Variants in TM2D1 observed in about 807,000 individuals in gnomAD.
TM2D1 encodes TM2 domain-containing protein 1.
In TM2D1, 15 loss-of-function variants were observed where a neutral mutation model predicts 28.4. The observed-to-expected ratio is 0.53, with a 90% confidence interval of 0.35 to 0.81. The LOEUF (loss-of-function observed/expected upper bound fraction) is 0.81. TM2D1 is among the 40% of genes least tolerant of loss of function. The probability of loss-of-function intolerance (pLI) is 0.01; values close to 1 mark genes in which losing one functional copy is unlikely to be tolerated. For missense variants in TM2D1, 236 were observed against 254.9 expected, an observed-to-expected ratio of 0.93 and a Z score of 0.50; for synonymous variants, 93 against 96.2, an observed-to-expected ratio of 0.97 and a Z score of 0.20.
chr1:61,708,622 A>G (rs1644456280), intron 3 of TM2D1, among the ~76,000 whole-genome samples: 1 of 152,192 alleles, frequency 6.6e-6, no homozygotes, highest in African/African-American at 2.4e-5. Flanking sequence ...GAATAAAACC[A>G]AGTTTAAAAT....
intron 6 of TM2D1, 119 bp downstream of exon 6, chr1:61,683,298 T>C (rs1644260827): frequency 2.7e-6 from 1 of 366,956 alleles, no homozygotes; most frequent in Non-Finnish European, 4.9e-6. Context: ...GTTTCAGGCA[T>C]AGGGGTACCT....
chr1:61,715,645 CAAAAAAAAAAAA>C (rs759796747), intron 2 of TM2D1, among the ~76,000 whole-genome samples: 15 of 16,424 alleles, frequency 9.1e-4, no homozygotes, highest in East Asian at 3.9e-3. Flanking sequence ...AAGACTGTCT[CAAAAAAAAAAAA>C]AAAAAAAAAA....
At chr1:61,682,347 T>C (rs761644803) in intron 6 of TM2D1, among the ~76,000 whole-genome samples, 1 of 152,128 alleles carries the variant, frequency 6.6e-6, no homozygotes, top group African/African-American at 2.4e-5. Flanking sequence ...AAGTGAACTA[T>C]TACATAAAAA....
chr1:61,696,809 A>T (rs1411360247), intron 4 of TM2D1, among the ~76,000 whole-genome samples: 1 of 152,086 alleles, frequency 6.6e-6, no homozygotes, highest in Non-Finnish European at 1.5e-5. Flanking sequence ...TTGTTTGTAG[A>T]GACAGGGTCT....
At chr1:61,723,135 C>T (rs1490940453) in intron 2 of TM2D1, among the ~76,000 whole-genome samples, 1 of 152,136 alleles carries the variant, frequency 6.6e-6, no homozygotes, top group East Asian at 1.9e-4. Context: ...TTGGTGCCAA[C>T]TGAATGTTAA....
intron 2 of TM2D1, among the ~76,000 whole-genome samples, chr1:61,710,246 G>A (rs980456887): frequency 5.3e-5 from 8 of 151,330 alleles, no homozygotes; most frequent in African/African-American, 1.9e-4. Context: ...GCAACATGGC[G>A]ACACCCCATC....
rs1302793441 is a variant in TM2D1, at chr1:61,691,930, AAAAT to A, written c.513+2763_513+2766del. 2.9e-4 allele frequency among the ~76,000 whole-genome samples: 14 copies of A among 47,524 alleles called. 1 individual carries two copies. The highest frequency in any genetic ancestry group is 9.4e-4 in the African/African-American group (14 of 14,826). The allele number at this position is 47,524 out of a possible 152,430, so 31.2% of individuals were successfully genotyped here. On this transcript the variant is annotated intron_variant, in intron 5 of 6. Transcript: ENST00000606498. ...CATCTCAAAAAAAACTTAAAAAAAA[AAAAT>A]ATATATATATATATATATATATATA... is the stretch of plus-strand genomic sequence containing the variant.
intron 5 of TM2D1, chr1:61,694,064 G>A (rs1177490145): frequency 6.6e-6 from 1 of 152,150 alleles, no homozygotes; most frequent in African/African-American, 2.4e-5. Context: ...TGAGTTATCA[G>A]GAGAGCCCTA....
At chr1:61,703,278 TATATATGA>T in intron 3 of TM2D1, among the ~76,000 whole-genome samples, 1 of 146,960 alleles carries the variant, frequency 6.8e-6, no homozygotes, top group African/African-American at 2.5e-5. Flanking sequence ...TTTTATATAT[TATATATGA>T]AGATGGTAAT....
intron 4 of TM2D1, among the ~76,000 whole-genome samples, chr1:61,700,472 G>C (rs970346778): frequency 6.6e-6 from 1 of 152,160 alleles, no homozygotes; most frequent in African/African-American, 2.4e-5. Context: ...TAGAAGTCAG[G>C]CTCCCACCCC....
intron 2 of TM2D1, among the ~76,000 whole-genome samples, chr1:61,717,152 T>C (rs1433266392): frequency 1.3e-5 from 2 of 150,934 alleles, no homozygotes; most frequent in African/African-American, 4.9e-5. Flanking sequence ...ATCGAGACCA[T>C]CCTGGCTAAC....
intron 3 of TM2D1, among the ~76,000 whole-genome samples, chr1:61,706,478 G>C (rs1198220374): frequency 6.6e-6 from 1 of 151,614 alleles, no homozygotes; most frequent in East Asian, 2.0e-4. Context: ...GATTACAGGT[G>C]TGAGCCACCA....
intron 3 of TM2D1, among the ~76,000 whole-genome samples, chr1:61,702,451 C>T (rs1644408943): frequency 6.6e-6 from 1 of 151,026 alleles, no homozygotes; most frequent in Non-Finnish European, 1.5e-5. Context: ...TCACTGCAAC[C>T]TCTGCCTCCC....
chr1:61,690,026 T>G (rs1644312374), intron 5 of TM2D1, among the ~76,000 whole-genome samples: 1 of 152,152 alleles, frequency 6.6e-6, no homozygotes, highest in African/African-American at 2.4e-5. Context: ...ACCTTACCCT[T>G]TACACCATGT....
At position 61,685,902 on chromosome 1, in the gene TM2D1, A is replaced by G. The variant is rs1644281902; in HGVS notation, c.514-2356T>C. Among the ~76,000 whole-genome samples the G allele has an allele frequency of 2.0e-5, 3 of 152,118 alleles. No individual in the cohort carries two copies. The South Asian group carries it at 6.2e-4, about 32-fold the overall frequency. On this transcript the variant is annotated intron_variant, in intron 5 of 6. Transcript: ENST00000606498. ...ATGGTGTGCGCTTGTAGTCTCAGCTACTCGAGAGGCTGAGGTAGGAGGATT... is the reference window on the plus strand; with the variant it reads ...ATGGTGTGCGCTTGTAGTCTCAGCTGCTCGAGAGGCTGAGGTAGGAGGATT...
intron 2 of TM2D1, among the ~76,000 whole-genome samples, chr1:61,722,512 G>T (rs1644575225): frequency 6.6e-6 from 1 of 152,004 alleles, no homozygotes; most frequent in Admixed American, 6.6e-5. Context: ...GGGATTACAG[G>T]TGCCCATCAC....
chr1:61,691,940 T>TATATATAAAAAA (rs1644330482), intron 5 of TM2D1, among the ~76,000 whole-genome samples: 1 of 105,232 alleles, frequency 9.5e-6, no homozygotes, highest in Non-Finnish European at 2.0e-5. Context: ...AAAATATATA[T>TATATATAAAAAA]ATATATATAT....
At chr1:61,706,013 C>T (rs1644437821) in intron 3 of TM2D1, among the ~76,000 whole-genome samples, 1 of 152,140 alleles carries the variant, frequency 6.6e-6, no homozygotes, top group Non-Finnish European at 1.5e-5. Flanking sequence ...GGAAAAGGGA[C>T]ACCTAATGAG....
intron 3 of TM2D1, among the ~76,000 whole-genome samples, chr1:61,706,227 G>A (rs967883722): frequency 6.6e-6 from 1 of 152,114 alleles, no homozygotes; most frequent in African/African-American, 2.4e-5. Flanking sequence ...GTTTGAGACT[G>A]GATCTGGTTC....
Sources: gnomAD v4.1 joint callset for allele counts (sites outside exome capture counted in the v4.1 genomes callset) on GRCh38, gnomAD v4.1.1 for gene constraint, MANE v1.5 for transcripts, NCBI Gene and HGNC (gene_info 2026-07-23, HGNC 2026-07-21) for gene names.